NRXN1: variants seen among roughly 807,000 people sequenced by gnomAD.
The protein encoded by NRXN1 is neurexin 1.
A neutral mutation model predicts 150.9 loss-of-function variants in NRXN1; 39 were observed. That is an observed-to-expected ratio of 0.26 (90% CI 0.20 to 0.34). NRXN1 has a LOEUF of 0.34. Ranked by LOEUF, NRXN1 falls within the 10% of genes least tolerant of loss-of-function variation. NRXN1 has a pLI of 1.00. For synonymous variants in NRXN1, 924 were observed against 757.0 expected, an observed-to-expected ratio of 1.22 and a Z score of -3.62; for missense variants, 1,815 against 1,949.9, an observed-to-expected ratio of 0.93 and a Z score of 1.30.
intron 19 of NRXN1, among the ~76,000 whole-genome samples, chr2:50,071,736 T>G (rs114013439): frequency 0.014 from 2,122 of 152,360 alleles, 47 homozygotes; most frequent in African/African-American, 0.048. Context: ...TAGTTTGAAA[T>G]AATATATTGT....
At chr2:50,070,851 C>G (rs1024349571) in intron 19 of NRXN1, among the ~76,000 whole-genome samples, 1 of 151,744 alleles carries the variant, frequency 6.6e-6, no homozygotes, top group East Asian at 1.9e-4. Context: ...CCCAGGCATC[C>G]TAAATAATGC....
At chr2:50,810,688 G>C (rs1203148242) in intron 5 of NRXN1, among the ~76,000 whole-genome samples, 4 of 152,020 alleles carry the variant, frequency 2.6e-5, no homozygotes. Flanking sequence ...TTCAATAAAA[G>C]TGTTTGCATC....
intron 19 of NRXN1, among the ~76,000 whole-genome samples, chr2:50,089,424 C>A (rs1573847953): frequency 6.6e-6 from 1 of 152,244 alleles, no homozygotes; most frequent in African/African-American, 2.4e-5. Context: ...GTGATTAATC[C>A]ATATTTTAGG....
intron 21 of NRXN1, among the ~76,000 whole-genome samples, chr2:49,987,887 A>G (rs1681210797): frequency 1.3e-5 from 2 of 152,210 alleles, no homozygotes; most frequent in South Asian, 2.1e-4. Context: ...GGTCTAATCA[A>G]TTTATATATT....
chr2:50,886,548 C>CA (rs948381904), intron 5 of NRXN1, among the ~76,000 whole-genome samples: 32 of 151,206 alleles, frequency 2.1e-4, no homozygotes, highest in Non-Finnish European at 4.1e-4. Flanking sequence ...AGATTACAAA[C>CA]AAAAAATAAT....
intron 5 of NRXN1, among the ~76,000 whole-genome samples, chr2:50,892,729 A>G (rs1049453654): frequency 3.3e-5 from 5 of 152,212 alleles, no homozygotes; most frequent in African/African-American, 1.2e-4. Flanking sequence ...TACATGGCAT[A>G]TTGTGTACAT....
At chr2:50,628,384 A>G (rs1173983650) in intron 5 of NRXN1, among the ~76,000 whole-genome samples, 1 of 151,772 alleles carries the variant, frequency 6.6e-6, no homozygotes, top group East Asian at 1.9e-4. Context: ...TTTTGGAAAA[A>G]ATTCAGTCTG....
At chr2:50,319,630 C>A (rs115868396) in intron 17 of NRXN1, among the ~76,000 whole-genome samples, 1,652 of 152,100 alleles carry the variant, frequency 0.011, 26 homozygotes, top group African/African-American at 0.038. Flanking sequence ...CATTCATTAG[C>A]TCTCATGGAA....
At chr2:50,671,697 T>C (rs1236914576) in intron 5 of NRXN1, among the ~76,000 whole-genome samples, 2 of 151,844 alleles carry the variant, frequency 1.3e-5, no homozygotes, top group Non-Finnish European at 3.0e-5. Flanking sequence ...AGTACAACAG[T>C]AAAGAATTAA....
At chr2:50,658,540 C>G (rs1686837237) in intron 5 of NRXN1, among the ~76,000 whole-genome samples, 1 of 151,742 alleles carries the variant, frequency 6.6e-6, no homozygotes, top group South Asian at 2.1e-4. Flanking sequence ...CACTCCACTT[C>G]CACTTCCTGG....
chr2:50,500,086 T>C (rs999510282), intron 13 of NRXN1, among the ~76,000 whole-genome samples: 16 of 152,052 alleles, frequency 1.1e-4, no homozygotes, highest in African/African-American at 3.9e-4. Flanking sequence ...TCTTAAAGTC[T>C]CTATTGATGA....
At chr2:50,421,975 C>G (rs547726075) in intron 17 of NRXN1, among the ~76,000 whole-genome samples, 6 of 152,250 alleles carry the variant, frequency 3.9e-5, no homozygotes, top group Admixed American at 2.6e-4. Context: ...CATCTGAGCC[C>G]TTCATCCACC....
At chr2:50,170,198 T>A (rs1289122458) in intron 18 of NRXN1, among the ~76,000 whole-genome samples, 1 of 151,868 alleles carries the variant, frequency 6.6e-6, no homozygotes, top group Non-Finnish European at 1.5e-5. Context: ...GCACCCTAAA[T>A]CCAAAAATTT....
intron 15 of NRXN1, among the ~76,000 whole-genome samples, chr2:50,473,216 T>A (rs1376321109): frequency 2.0e-5 from 3 of 152,002 alleles, no homozygotes; most frequent in Non-Finnish European, 4.4e-5. Context: ...TACTTTCAAT[T>A]TTTAGGCTGC....
intron 17 of NRXN1, among the ~76,000 whole-genome samples, chr2:50,386,161 G>A (rs1054925810): frequency 6.6e-6 from 1 of 151,830 alleles, no homozygotes; most frequent in African/African-American, 2.4e-5. Context: ...ATTCATTATT[G>A]AAATGCATTT....
At chr2:50,356,419 C>G (rs941943699) in intron 17 of NRXN1, among the ~76,000 whole-genome samples, 14 of 152,068 alleles carry the variant, frequency 9.2e-5, no homozygotes, top group African/African-American at 3.4e-4. Flanking sequence ...TTTTTGATAC[C>G]TGTATAAGAA....
In NRXN1 at chr2:50,495,935, T is replaced by C; in HGVS notation, c.3040A>G (p.Thr1014Ala). ...KIDTKITTQI[T>A]AGARNLDLKS... is the part of the protein sequence containing the mutation. ...AGGTCTAAGTTCCTGGCTCCGGCGG[T>C]GATTTGCGTTGTGATTTTTGTGTCA... Residue 1014 changes from threonine to alanine, a missense_variant, in exon 15 of 23, where the codon ACC becomes GCC. Physicochemically the swap from Thr to Ala is moderately conservative, Grantham distance 58. Transcript: ENST00000401669. 6.2e-7 allele frequency: 1 copy of C among 1,608,726 alleles called. No homozygotes were observed. Among genetic ancestry groups the C allele is most frequent in the Non-Finnish European group, 8.5e-7 (1 of 1,176,958 alleles).
At chr2:50,032,742 G>A (rs1414479132) in intron 21 of NRXN1, among the ~76,000 whole-genome samples, 1 of 151,858 alleles carries the variant, frequency 6.6e-6, no homozygotes, top group Non-Finnish European at 1.5e-5. Flanking sequence ...AGACACCAGA[G>A]CTCTTTTTCC....
At chr2:50,618,696 AT>A (rs1191792187) in intron 8 of NRXN1, among the ~76,000 whole-genome samples, 3 of 151,576 alleles carry the variant, frequency 2.0e-5, no homozygotes, top group African/African-American at 7.3e-5. Flanking sequence ...ATGTCTACCT[AT>A]TTTGTGAGGA....
Sources: gnomAD v4.1 joint callset for allele counts (sites outside exome capture counted in the v4.1 genomes callset) on GRCh38, gnomAD v4.1.1 for gene constraint, MANE v1.5 for transcripts, NCBI Gene and HGNC (gene_info 2026-07-23, HGNC 2026-07-21) for gene names.